SORCS2: variants seen among roughly 807,000 people sequenced by gnomAD.
SORCS2 encodes sortilin related VPS10 domain containing receptor 2.
In SORCS2, 100 loss-of-function variants were observed where a neutral mutation model predicts 141.6. The observed-to-expected ratio is 0.71, with a 90% CI of 0.60 to 0.83. SORCS2 has a LOEUF of 0.83. Ranked by LOEUF, SORCS2 falls within the 40% of genes least tolerant of loss-of-function variation. The pLI is 0.00. For synonymous variants in SORCS2, 789 were observed against 676.9 expected, an observed-to-expected ratio of 1.17 and a Z score of -2.57; for missense variants, 1,646 against 1,560.2, an observed-to-expected ratio of 1.05 and a Z score of -0.93.
intron 10 of SORCS2, among the ~76,000 whole-genome samples, chr4:7,686,991 C>T (rs1723920052): frequency 6.6e-6 from 1 of 152,330 alleles, no homozygotes; most frequent in Middle Eastern, 3.4e-3. Context: ...GAATAGGCCA[C>T]TAGTGGCGAG....
rs149374829 is a variant in SORCS2 at position 7,195,073 on chromosome 4, G to A, written c.480+1947G>A. On this transcript the variant is annotated intron_variant, in intron 1 of 26. Transcript: ENST00000507866. ...AGGGATGGGGCACTGGGGGTGGGGG[G>A]CTGTCAGAGGAGCCCATGTGGCTTT... Among the ~76,000 whole-genome samples the A allele has an allele frequency of 3.8e-3, 575 of 152,126 alleles. 2 individuals carry two copies. Among genetic ancestry groups the A allele is most frequent in the African/African-American group, 0.013 (537 of 41,492 alleles).
chr4:7,243,797 G>C lies in SORCS2; in HGVS notation c.480+50671G>C, dbSNP rs187997701. On this transcript the variant is annotated intron_variant, in intron 1 of 26. Transcript: ENST00000507866. ...TTCGCAGACGCCAGGCAAGCAGGTAGCTTCCCTGCGAGGGCAGGCCGGCCT... is the reference window on the plus strand; with the variant it reads ...TTCGCAGACGCCAGGCAAGCAGGTACCTTCCCTGCGAGGGCAGGCCGGCCT... 8.5e-5 allele frequency among the ~76,000 whole-genome samples: 13 copies of C among 152,344 alleles called. No individual in the cohort carries two copies. In the East Asian group the frequency reaches 2.3e-3, roughly 27 times the overall value.
At chr4:7,274,966 C>T (rs1490913152) in intron 1 of SORCS2, among the ~76,000 whole-genome samples, 5 of 152,192 alleles carry the variant, frequency 3.3e-5, no homozygotes, top group East Asian at 1.9e-4. Context: ...GTGGGGTTGT[C>T]CGTGTGTTTA....
At chr4:7,276,989 C>T (rs1363950615) in intron 1 of SORCS2, among the ~76,000 whole-genome samples, 1 of 152,150 alleles carries the variant, frequency 6.6e-6, no homozygotes, top group African/African-American at 2.4e-5. Context: ...CTAGAGTGAC[C>T]CTGTAGCTGT....
intron 1 of SORCS2, among the ~76,000 whole-genome samples, chr4:7,349,575 A>G (rs900473945): frequency 6.6e-6 from 1 of 152,152 alleles, no homozygotes; most frequent in South Asian, 2.1e-4. Flanking sequence ...GGGTCAGGAG[A>G]TGGGCTCCCC....
At chr4:7,548,703 G>C (rs1713457343) in intron 3 of SORCS2, among the ~76,000 whole-genome samples, 1 of 152,090 alleles carries the variant, frequency 6.6e-6, no homozygotes, top group African/African-American at 2.4e-5. Flanking sequence ...TCCAAGCAGA[G>C]AGGGCACAGC....
chr4:7,444,909 C>A (rs1357612177), intron 2 of SORCS2, among the ~76,000 whole-genome samples: 1 of 152,330 alleles, frequency 6.6e-6, no homozygotes, highest in South Asian at 2.1e-4. Context: ...ACACACCGAA[C>A]GTTTGGCCTG....
intron 12 of SORCS2, among the ~76,000 whole-genome samples, chr4:7,700,825 A>G (rs955777641): frequency 6.6e-6 from 1 of 152,186 alleles, no homozygotes; most frequent in Non-Finnish European, 1.5e-5. Context: ...ACCACCCACA[A>G]GAGTGTGTCT....
intron 3 of SORCS2, among the ~76,000 whole-genome samples, chr4:7,594,507 G>A (rs4689791): frequency 0.27 from 41,466 of 152,142 alleles, 6,751 homozygotes; most frequent in East Asian, 0.69. Context: ...TGCCTGCTCC[G>A]GGGTGGGTGT....
intron 2 of SORCS2, among the ~76,000 whole-genome samples, chr4:7,474,819 C>A (rs1730191607): frequency 6.6e-6 from 1 of 152,180 alleles, no homozygotes; most frequent in Admixed American, 6.5e-5. Flanking sequence ...GCTCTGGGAG[C>A]CCGAAGCCCG....
chr4:7,258,875 G>A (rs1714117186), intron 1 of SORCS2, among the ~76,000 whole-genome samples: 1 of 152,222 alleles, frequency 6.6e-6, no homozygotes. Flanking sequence ...CTGATGACCA[G>A]TGATGATGAG....
At chr4:7,277,698 T>C (rs529046173) in intron 1 of SORCS2, among the ~76,000 whole-genome samples, 20 of 152,204 alleles carry the variant, frequency 1.3e-4, no homozygotes, top group Admixed American at 1.2e-3. Context: ...AATTTGGGGG[T>C]GGCCGTCTGC....
At chr4:7,416,203 G>A (rs369613453) in intron 2 of SORCS2, among the ~76,000 whole-genome samples, 2 of 152,158 alleles carry the variant, frequency 1.3e-5, no homozygotes, top group African/African-American at 4.8e-5. Flanking sequence ...AGTTAGGCTT[G>A]TGGACTCGAG....
intron 1 of SORCS2, among the ~76,000 whole-genome samples, chr4:7,330,361 T>C (rs1205455325): frequency 6.6e-6 from 1 of 152,030 alleles, no homozygotes; most frequent in African/African-American, 2.4e-5. Flanking sequence ...CACAAAGAGC[T>C]TCTCGGCAAA....
intron 1 of SORCS2, among the ~76,000 whole-genome samples, chr4:7,389,288 T>C (rs559866291): frequency 6.6e-6 from 1 of 152,264 alleles, no homozygotes; most frequent in South Asian, 2.1e-4. Flanking sequence ...GAGTTACTGA[T>C]GTGGAGTGAA....
At chr4:7,401,240 C>T (rs765407153) in intron 2 of SORCS2, among the ~76,000 whole-genome samples, 1 of 149,804 alleles carries the variant, frequency 6.7e-6, no homozygotes. Context: ...GATGGATGGA[C>T]AGATGAATGA....
intron 1 of SORCS2, among the ~76,000 whole-genome samples, chr4:7,311,616 G>A (rs1044099858): frequency 2.0e-5 from 3 of 152,088 alleles, no homozygotes; most frequent in Non-Finnish European, 4.4e-5. Context: ...ATCTCATTAC[G>A]GTTTTGGTTT....
chr4:7,715,372 C>T (rs1327366781), intron 17 of SORCS2, 61 bp downstream of exon 17: 28 of 1,588,700 alleles, frequency 1.8e-5, no homozygotes, highest in Admixed American at 1.4e-4. Flanking sequence ...GGTGCAGCCC[C>T]GAAACCACGC....
At chr4:7,485,197 C>G (rs1243260206) in intron 2 of SORCS2, among the ~76,000 whole-genome samples, 1 of 152,234 alleles carries the variant, frequency 6.6e-6, no homozygotes, top group Non-Finnish European at 1.5e-5. Context: ...GCTCCTGCAG[C>G]CTTCGGTCCC....
Sources: allele counts gnomAD v4.1 joint callset (sites outside exome capture counted in the v4.1 genomes callset), GRCh38; gene constraint gnomAD v4.1.1; transcripts MANE v1.5; gene names NCBI Gene and HGNC (gene_info 2026-07-23, HGNC 2026-07-21).